The following TDRD6 variants were observed in gnomAD, a reference collection of about 807,000 sequenced individuals.
TDRD6 encodes the protein tudor domain containing 6.
Under a neutral mutation model 157.5 loss-of-function variants are expected in TDRD6, and 186 were observed. The observed-to-expected ratio is 1.18, with a 90% CI of 1.05 to 1.33. The LOEUF (loss-of-function observed/expected upper bound fraction) is 1.33. TDRD6 is among the 40% of genes most tolerant of loss of function. The probability of loss-of-function intolerance (pLI) is 0.00; values close to 1 mark genes in which losing one functional copy is unlikely to be tolerated. For synonymous variants in TDRD6, 1,075 were observed against 945.2 expected, an observed-to-expected ratio of 1.14 and a Z score of -2.52; for missense variants, 3,066 against 2,508.0, an observed-to-expected ratio of 1.22 and a Z score of -4.75.
chr6:46,692,325 C>G lies in TDRD6; in HGVS notation c.4197C>G (p.Asn1399Lys), dbSNP rs762843276. ...DYGNVSVVHTNKIGRLDLVNA... is the reference protein window; with the variant it reads ...DYGNVSVVHTKKIGRLDLVNA... The stretch of plus-strand genomic sequence containing the variant: ...GCAATGTTTCTGTGGTTCATACTAA[C>G]AAAATAGGTAGGCTTGACCTTGTTA... The change falls in exon 1 of 4, where the codon AAC (asparagine) becomes AAG (lysine). Residue 1399 changes from asparagine to lysine, a missense_variant. Coordinates refer to ENST00000316081, the MANE Select transcript of TDRD6 (RefSeq NM_001010870.3). The G allele has an allele frequency of 6.2e-7, 1 of 1,614,128 alleles. No individual in the cohort carries two copies. The highest frequency in any genetic ancestry group is 1.7e-5 in the Admixed American group (1 of 60,020).
Position 46,689,060 on chromosome 6 carries a change from A to T in TDRD6, c.932A>T (p.Asp311Val), listed in dbSNP as rs546299214. Residue 311 changes from aspartate to valine, a missense_variant, in exon 1 of 4, where the codon GAT becomes GTT. Asp to Val is a radical substitution (Grantham distance 152). Transcript: ENST00000316081. ...ATWEEREESPDKPGSPCASCG... is the reference protein window; with the variant it reads ...ATWEEREESPVKPGSPCASCG... ...TGGGAGGAGAGGGAGGAGAGCCCAG[A>T]TAAGCCGGGCTCTCCGTGTGCATCC... 9 of 1,614,088 alleles carry T rather than the reference A, an allele frequency of 5.6e-6. No individual in the cohort carries two copies. Among genetic ancestry groups the T allele is most frequent in the Non-Finnish European group, 7.6e-6 (9 of 1,179,980 alleles).
Position 46,693,341 on chromosome 6 carries a change from A to C in TDRD6, c.5213A>C (p.Gln1738Pro). 1 of 1,604,468 alleles carries C rather than the reference A, an allele frequency of 6.2e-7. No individual in the cohort carries two copies. The highest frequency in any genetic ancestry group is 1.1e-5 in the South Asian group (1 of 89,398). Residue 1738 changes from glutamine to proline, a missense_variant, in exon 1 of 4, where the codon CAA becomes CCA. Transcript: ENST00000316081. ...AAGAAATTAAGTAATAAAGCTGTAC[A>C]AAATAAAATATATATGGAACAACAG... The part of the protein sequence containing the change: ...GLKKLSNKAV[Q>P]NKIYMEQQTD...
rs1764183398 is a variant in TDRD6, at chr6:46,688,499, CG to C, written c.373del (p.Glu125LysfsTer7). ...PGRREFFNLP[S>X]EVLGCVLAGL... is the part of the protein sequence containing the mutation. ...CGCAGAGAGTTCTTCAATTTGCCCT[CG>C]GAAGTGCTGGGCTGCGTGCTAGCGG... On this transcript the variant is annotated frameshift_variant, in exon 1 of 4. Coordinates refer to ENST00000316081, the MANE Select transcript of TDRD6 (RefSeq NM_001010870.3). LOFTEE classifies it high-confidence loss of function. The C allele has an allele frequency of 6.4e-7, 1 of 1,558,780 alleles. No individual in the cohort carries two copies. Among genetic ancestry groups the C allele is most frequent in the Non-Finnish European group, 8.7e-7 (1 of 1,154,946 alleles).
Position 46,702,014 on chromosome 6 carries a change from A to G in TDRD6, c.*127A>G. 1 of 1,093,642 alleles carries G rather than the reference A, an allele frequency of 9.1e-7. No individual in the cohort carries two copies. The highest frequency in any genetic ancestry group is 1.3e-6 in the Non-Finnish European group (1 of 742,602). 67.7% of individuals were successfully genotyped at this position (1,093,642 alleles called of 1,614,324 possible). ...CCACAAGAAGTTGTCATTTTCAAAAACTTCTATATAGGTGGAAAACAAATT... is the reference window on the plus strand; with the variant it reads ...CCACAAGAAGTTGTCATTTTCAAAAGCTTCTATATAGGTGGAAAACAAATT... On this transcript the variant is annotated 3_prime_UTR_variant, in exon 4 of 4. Coordinates refer to ENST00000316081, the MANE Select transcript of TDRD6 (RefSeq NM_001010870.3).
In TDRD6 at chr6:46,691,100, A is replaced by C; in HGVS notation, c.2972A>C (p.Tyr991Ser). Reference sequence around the variant, plus strand: ...AAAATTGGAAGTGAAGAATTAGTTTATATAACGCATATTGATGACCCTTGG... The same window carrying C: ...AAAATTGGAAGTGAAGAATTAGTTTCTATAACGCATATTGATGACCCTTGG... ...DMKIGSEELV[Y>S]ITHIDDPWTF... Residue 991 changes from tyrosine to serine, a missense_variant, in exon 1 of 4, where the codon TAT becomes TCT. Physicochemically the swap from Tyr to Ser is moderately radical, Grantham distance 144. Coordinates refer to ENST00000316081, the MANE Select transcript of TDRD6 (RefSeq NM_001010870.3). 1 of 1,613,942 alleles carries C rather than the reference A, an allele frequency of 6.2e-7. No individual in the cohort carries two copies. The highest frequency in any genetic ancestry group is 8.5e-7 in the Non-Finnish European group (1 of 1,179,932).
rs182449341 is a variant in TDRD6 at position 46,689,437 on chromosome 6, G to A, written c.1309G>A (p.Val437Ile). 2.0e-4 allele frequency: 329 copies of A among 1,613,350 alleles called. 1 individual carries two copies. The Admixed American group carries it at 5.4e-3, about 27-fold the overall frequency. The change falls in exon 1 of 4, where the codon GTA becomes ATA. Residue 437 changes from valine to isoleucine, a missense_variant. Val to Ile is a conservative substitution (Grantham distance 29). Transcript: ENST00000316081. ...DGINLNRVFG[V>I]QSCCLADRVL... is the part of the protein sequence containing the mutation. The stretch of plus-strand genomic sequence containing the variant: ...GATTAATCTGAACCGTGTGTTTGGA[G>A]TACAGTCGTGTTGCTTGGCTGACCG...
At position 46,689,684 on chromosome 6, in the gene TDRD6, G is replaced by C; in HGVS notation, c.1556G>C (p.Arg519Thr). 4.3e-6 allele frequency: 7 copies of C among 1,614,226 alleles called. No individual in the cohort carries two copies. Among genetic ancestry groups the C allele is most frequent in the East Asian group, 2.2e-5 (1 of 44,880 alleles). ...HNVTFSKLMR[R>T]MCGFYSSASK... ...GTCACCTTCAGTAAGCTGATGAGGA[G>C]AATGTGTGGTTTCTATTCCTCTGCC... Residue 519 changes from arginine (R) to threonine (T), a missense_variant, in exon 1 of 4, where the codon AGA becomes ACA. Arg to Thr is a moderately conservative substitution (Grantham distance 71, BLOSUM62 -1). Coordinates refer to ENST00000316081, the MANE Select transcript of TDRD6 (RefSeq NM_001010870.3).
intron 3 of TDRD6, among the ~76,000 whole-genome samples, chr6:46,701,369 T>A (rs1764619913): frequency 6.6e-6 from 1 of 152,176 alleles, no homozygotes; most frequent in African/African-American, 2.4e-5. Flanking sequence ...GTTCAAATGA[T>A]ATTTGTTAAA....
the TDRD6 span, among the ~76,000 whole-genome samples, chr6:46,681,119 G>C: frequency 6.6e-6 from 1 of 152,320 alleles, no homozygotes; most frequent in African/African-American, 2.4e-5. Flanking sequence ...TTTTTGGAGA[G>C]TGGGGAGAAA....
Position 46,689,206 on chromosome 6 carries a change from C to A in TDRD6, c.1078C>A (p.Arg360=), listed in dbSNP as rs754163180. The A allele has an allele frequency of 3.1e-6, 5 of 1,614,116 alleles. No individual in the cohort carries two copies. The highest frequency in any genetic ancestry group is 4.2e-6 in the Non-Finnish European group (5 of 1,180,034). ...RKELVSCSSL[R]YLLPEYFRMP... ...GGAGTTAGTGAGTTGCAGCAGCCTT[C>A]GGTACTTGCTGCCTGAATATTTTCG... The change falls in exon 1 of 4, where the codon CGG becomes AGG. Residue 360 remains arginine, a synonymous_variant. Transcript: ENST00000316081.
intron 3 of TDRD6, 68 bp from the exon 4 acceptor site, chr6:46,701,790 C>T (rs984785177): frequency 2.0e-6 from 3 of 1,516,822 alleles, no homozygotes; most frequent in African/African-American, 1.4e-5. Context: ...ATGGTAACAC[C>T]CATGGAAATA....
the TDRD6 span, among the ~76,000 whole-genome samples, chr6:46,680,507 C>T: frequency 1.3e-5 from 2 of 152,040 alleles, no homozygotes. Context: ...TTATTCAGAC[C>T]TTAAAGTACA....
rs776487800 is a variant in TDRD6 at position 46,693,266 on chromosome 6, A to T, written c.5138A>T (p.Asp1713Val). The change falls in exon 1 of 4, where the codon GAC (aspartate) becomes GTC (valine). Residue 1713 changes from aspartate to valine, a missense_variant. Physicochemically the swap from Asp to Val is radical, Grantham distance 152. Transcript: ENST00000316081. ...AGTGCTCTTCCCTATGAAAATATTG[A>T]CTCAGAGATAAAGCAGACTCTTGGG... is the stretch of plus-strand genomic sequence containing the variant. Reference protein sequence around the residue: ...IKSALPYENIDSEIKQTLGSY... With the variant: ...IKSALPYENIVSEIKQTLGSY... 11 of 1,613,606 alleles carry T rather than the reference A, an allele frequency of 6.8e-6. No individual in the cohort carries two copies. Among genetic ancestry groups the T allele is most frequent in the Non-Finnish European group, 9.3e-6 (11 of 1,179,890 alleles).
Position 46,703,898 on chromosome 6 carries a change from A to G in TDRD6, c.*2011A>G, listed in dbSNP as rs1409869464. 1 of 152,364 alleles carries G rather than the reference A, an allele frequency of 6.6e-6. No individual in the cohort carries two copies. The highest frequency in any genetic ancestry group is 1.5e-5 in the Non-Finnish European group (1 of 68,172). 9.4% of individuals were successfully genotyped at this position (152,364 alleles called of 1,614,324 possible). A position where few individuals can be genotyped will look rare whatever the true frequency, so the allele number is the denominator to read the frequency against. On this transcript the variant is annotated 3_prime_UTR_variant, in exon 4 of 4. Coordinates refer to ENST00000316081, the MANE Select transcript of TDRD6 (RefSeq NM_001010870.3). ...AGTAGAATGCCTTAAAGAATTAAAG[A>G]AAGTGTCAAAAAATTACCAATTTAA...
Position 46,688,324 on chromosome 6 carries a change from T to G in TDRD6, c.196T>G (p.Ser66Ala), listed in dbSNP as rs1764171025. The change falls in exon 1 of 4, where the codon TCG (serine) becomes GCG (alanine). Residue 66 changes from serine (S) to alanine (A), a missense_variant. Coordinates refer to ENST00000316081, the MANE Select transcript of TDRD6 (RefSeq NM_001010870.3). Reference protein sequence around the residue: ...TRGQWALGSASASPGELCLVQ... With the variant: ...TRGQWALGSAAASPGELCLVQ... The stretch of plus-strand genomic sequence containing the variant: ...CGGCCAGTGGGCGCTGGGCAGCGCC[T>G]CGGCCTCGCCCGGCGAGCTGTGCCT... 1.3e-6 allele frequency: 2 copies of G among 1,522,720 alleles called. No homozygotes were observed. Among genetic ancestry groups the G allele is most frequent in the Admixed American group, 4.0e-5 (2 of 49,636 alleles). The allele number at this position is 1,522,720 out of a possible 1,614,324, so 94.3% of individuals were successfully genotyped here.
rs749753529 is a variant in TDRD6 at position 46,689,942 on chromosome 6, T to C, written c.1814T>C (p.Ile605Thr). 22 of 1,614,014 alleles carry C rather than the reference T, an allele frequency of 1.4e-5. No homozygotes were observed. The highest frequency in any genetic ancestry group is 3.3e-5 in the Admixed American group (2 of 59,998). Residue 605 changes from isoleucine to threonine, a missense_variant, in exon 1 of 4, where the codon ATT becomes ACT. By Grantham distance (89) the Ile-to-Thr change is moderately conservative (BLOSUM62 -1). Transcript: ENST00000316081. ...GCTGTGAAGTGCACCCTGGCTGATA[T>C]TTGGCCTTTGGGAAAAACTTGGAGC... ...ILAVKCTLAD[I>T]WPLGKTWSQE...
Position 46,690,094 on chromosome 6 carries a change from A to G in TDRD6, c.1966A>G (p.Ile656Val), listed in dbSNP as rs539125792. Residue 656 changes from isoleucine (I) to valine (V), a missense_variant, in exon 1 of 4, where the codon ATT (isoleucine) becomes GTT (valine). Transcript: ENST00000316081. The stretch of plus-strand genomic sequence containing the variant: ...CGAATCAAGAACAGGGGAAGAAAAC[A>G]TTAGTAAGGTAATTGCCCAAGCTGG... ...LDESRTGEEN[I>V]SKVIAQAGYA... 1 of 1,613,962 alleles carries G rather than the reference A, an allele frequency of 6.2e-7. No homozygotes were observed. Among genetic ancestry groups the G allele is most frequent in the East Asian group, 2.2e-5 (1 of 44,884 alleles).
At chr6:46,701,737 A>C in intron 3 of TDRD6, 121 bp from the exon 4 acceptor site, 1 of 828,766 alleles carries the variant, frequency 1.2e-6, no homozygotes, top group Non-Finnish European at 1.9e-6. Flanking sequence ...TAATTAGAAT[A>C]CTCATCTGTC....
In TDRD6 at chr6:46,691,183, A is replaced by T. The variant is rs1284003680; in HGVS notation, c.3055A>T (p.Ile1019Phe). Residue 1019 changes from isoleucine to phenylalanine, a missense_variant, in exon 1 of 4, where the codon ATT becomes TTT. Coordinates refer to ENST00000316081, the MANE Select transcript of TDRD6 (RefSeq NM_001010870.3). ...TATTTTAGAACAGTTGTCATGTAGT[A>T]TTACACAATTAAGTAAAGTTTTGCT... ...ANILEQLSCS[I>F]TQLSKVLLNL... 6.2e-7 allele frequency: 1 copy of T among 1,613,140 alleles called. No individual in the cohort carries two copies. Among genetic ancestry groups the T allele is most frequent in the African/African-American group, 1.3e-5 (1 of 74,844 alleles).
Sources: allele counts gnomAD v4.1 joint callset (sites outside exome capture counted in the v4.1 genomes callset), GRCh38; gene constraint gnomAD v4.1.1; transcripts MANE v1.5; gene names NCBI Gene and HGNC (gene_info 2026-07-23, HGNC 2026-07-21).